The following CBFA2T2 variants were observed in gnomAD, a reference collection of about 807,000 sequenced individuals.
CBFA2T2 encodes CBFA2/RUNX1 partner transcriptional co-repressor 2.
CBFA2T2 carries 11 observed loss-of-function variants against 62.2 expected under a neutral mutation model. The ratio of observed to expected loss-of-function variants is 0.18; its 90% CI spans 0.11 to 0.29. The LOEUF is 0.29. Ranked by LOEUF, CBFA2T2 falls within the 10% of genes least tolerant of loss-of-function variation. CBFA2T2 has a pLI of 1.00. For missense variants in CBFA2T2, 592 were observed against 774.1 expected, an observed-to-expected ratio of 0.76 and a Z score of 2.79; for synonymous variants, 295 against 287.5, an observed-to-expected ratio of 1.03 and a Z score of -0.27.
chr20:33,574,591 C>T (rs2013733408), intron 1 of CBFA2T2, among the ~76,000 whole-genome samples: 1 of 152,238 alleles, frequency 6.6e-6, no homozygotes, highest in Non-Finnish European at 1.5e-5. Context: ...TGCCATTGCA[C>T]TCCAGCCTGG....
intron 1 of CBFA2T2, among the ~76,000 whole-genome samples, chr20:33,588,372 A>AT (rs2014470569): frequency 6.6e-6 from 1 of 151,024 alleles, no homozygotes; most frequent in African/African-American, 2.4e-5. Context: ...ATATATATAT[A>AT]AATATATATA....
chr20:33,545,010 T>TAGAATAGAACAGAAC (rs1428313497), intron 1 of CBFA2T2, among the ~76,000 whole-genome samples: 6 of 114,016 alleles, frequency 5.3e-5, no homozygotes, highest in African/African-American at 2.0e-4. Flanking sequence ...TAGAATAGAA[T>TAGAATAGAACAGAAC]AGAACAGAAC....
intron 1 of CBFA2T2, 27 bp downstream of exon 1, chr20:33,490,328 C>T (rs1315587399): frequency 3.1e-6 from 4 of 1,277,880 alleles, no homozygotes; most frequent in Middle Eastern, 2.9e-4. Flanking sequence ...TGCGGGCGGC[C>T]GAGGGGGGCG....
intron 10 of CBFA2T2, among the ~76,000 whole-genome samples, chr20:33,642,116 TTG>T (rs869240464): frequency 0.032 from 1,886 of 58,796 alleles, 19 homozygotes; most frequent in Middle Eastern, 0.056. Context: ...TTTTTTTTTT[TTG>T]TGTGTGTGTG....
At chr20:33,575,209 C>T (rs2013767957) in intron 1 of CBFA2T2, among the ~76,000 whole-genome samples, 1 of 152,180 alleles carries the variant, frequency 6.6e-6, no homozygotes, top group Admixed American at 6.5e-5. Flanking sequence ...TGTTCTGAAA[C>T]ACTTATTTTC....
chr20:33,621,942 G>A (rs1360286932), intron 4 of CBFA2T2, among the ~76,000 whole-genome samples: 1 of 152,130 alleles, frequency 6.6e-6, no homozygotes, highest in Non-Finnish European at 1.5e-5. Flanking sequence ...TGTCAGAGCT[G>A]GTAGACAATT....
intron 1 of CBFA2T2, among the ~76,000 whole-genome samples, chr20:33,550,576 ACAAATAACTCAAAGTCTG>A (rs1271718604): frequency 3.3e-5 from 5 of 152,206 alleles, no homozygotes; most frequent in Non-Finnish European, 7.3e-5. Context: ...CATTTGGTCA[ACAAATAACTCAAAGTCTG>A]AAGTACTAAT....
chr20:33,603,771 A>C lies in CBFA2T2; in HGVS notation c.35-3185A>C, dbSNP rs375072379. Among the ~76,000 whole-genome samples, 4 of 152,212 alleles carry C rather than the reference A, an allele frequency of 2.6e-5. No homozygotes were observed. In the East Asian group the frequency reaches 7.7e-4, roughly 29 times the overall value. On this transcript the variant is annotated intron_variant, in intron 1 of 10. Transcript: ENST00000342704. ...TAGAAGAGAGTTCAATATATGGTTGATTCTTTAATGGGATCCAGCTAGAAT... is the reference window on the plus strand; with the variant it reads ...TAGAAGAGAGTTCAATATATGGTTGCTTCTTTAATGGGATCCAGCTAGAAT...
intron 1 of CBFA2T2, among the ~76,000 whole-genome samples, chr20:33,547,687 A>ATGTG (rs60988030): frequency 0.14 from 19,269 of 138,990 alleles, 1,389 homozygotes; most frequent in East Asian, 0.25. Flanking sequence ...TCTCAAAAAA[A>ATGTG]TGTGTGTGTG....
At chr20:33,492,654 C>G (rs1272636030) in intron 1 of CBFA2T2, among the ~76,000 whole-genome samples, 1 of 151,266 alleles carries the variant, frequency 6.6e-6, no homozygotes, top group Non-Finnish European at 1.5e-5. Context: ...AGCTGGGACT[C>G]CAGGCGCCAC....
At chr20:33,499,184 C>T (rs2011239612) in intron 1 of CBFA2T2, among the ~76,000 whole-genome samples, 1 of 152,042 alleles carries the variant, frequency 6.6e-6, no homozygotes, top group Non-Finnish European at 1.5e-5. Context: ...TGATTGCAGC[C>T]CTGGGATCAA....
At chr20:33,493,068 GTTTTTTT>G (rs1157324208) in intron 1 of CBFA2T2, among the ~76,000 whole-genome samples, 334 of 88,128 alleles carry the variant, frequency 3.8e-3, no homozygotes, top group African/African-American at 0.014. Context: ...TGAAGTTTTG[GTTTTTTT>G]TTTTTTTTTT....
At chr20:33,566,283 A>G (rs769656878) in intron 1 of CBFA2T2, among the ~76,000 whole-genome samples, 6 of 151,952 alleles carry the variant, frequency 3.9e-5, no homozygotes, top group African/African-American at 7.3e-5. Flanking sequence ...TTTTTTTTAA[A>G]AGGTGAAATC....
chr20:33,643,748 C>A (rs2016933929), intron 10 of CBFA2T2, among the ~76,000 whole-genome samples: 1 of 80,158 alleles, frequency 1.2e-5, no homozygotes, highest in Admixed American at 1.6e-4. Flanking sequence ...AAAACCTCAT[C>A]TCTACTATAT....
chr20:33,574,311 A>G, intron 1 of CBFA2T2: 2 of 1,557,256 alleles, frequency 1.3e-6, no homozygotes, highest in Non-Finnish European at 8.8e-7. Context: ...AATAACAGAA[A>G]TATACTCTTC....
chr20:33,508,797 T>A (rs927666160), intron 1 of CBFA2T2, among the ~76,000 whole-genome samples: 19 of 152,024 alleles, frequency 1.2e-4, no homozygotes, highest in Non-Finnish European at 2.5e-4. Context: ...ACAAGAGGGG[T>A]TTATTTAAAC....
intron 1 of CBFA2T2, among the ~76,000 whole-genome samples, chr20:33,545,000 T>TAGAACAGAACAGAACAGAACAGAAC (rs1198481801): frequency 0.01 from 1,314 of 125,720 alleles, 52 homozygotes; most frequent in Admixed American, 0.075. Flanking sequence ...TAGAATAGAA[T>TAGAACAGAACAGAACAGAACAGAAC]AGAATAGAAT....
chr20:33,642,163 T>TGA (rs2016883241), intron 10 of CBFA2T2, among the ~76,000 whole-genome samples: 1 of 146,790 alleles, frequency 6.8e-6, no homozygotes, highest in African/African-American at 2.5e-5. Context: ...TGTGTGTGTG[T>TGA]GGATAACAGG....
chr20:33,522,425 T>C (rs1445434622), intron 1 of CBFA2T2, among the ~76,000 whole-genome samples: 1 of 146,936 alleles, frequency 6.8e-6, no homozygotes, highest in African/African-American at 2.5e-5. Flanking sequence ...CATCTGGTAC[T>C]ACCAAGTAAA....
Sources: gnomAD v4.1 joint callset for allele counts (sites outside exome capture counted in the v4.1 genomes callset) on GRCh38, gnomAD v4.1.1 for gene constraint, MANE v1.5 for transcripts, NCBI Gene and HGNC (gene_info 2026-07-23, HGNC 2026-07-21) for gene names.